The following UNC13D variants were observed in gnomAD, a reference collection of about 807,000 sequenced individuals.
UNC13D encodes the protein unc-13 homolog D.
UNC13D carries 115 observed loss-of-function variants against 151.7 expected under a neutral mutation model. That is an observed-to-expected ratio of 0.76 (90% CI 0.65 to 0.88). The LOEUF (loss-of-function observed/expected upper bound fraction) is 0.88, where lower values mean the gene tolerates loss of function less well. UNC13D is among the 40% of genes least tolerant of loss of function. UNC13D has a pLI of 0.00. For missense variants in UNC13D, 1,369 were observed against 1,438.7 expected (o/e 0.95, Z 0.78); for synonymous variants, 588 against 612.2 (o/e 0.96, Z 0.58).
intron 12 of UNC13D, 30 bp from the exon 13 acceptor site, chr17:75,836,948 C>T (rs372130757): frequency 6.8e-6 from 11 of 1,608,236 alleles, no homozygotes; most frequent in Admixed American, 1.7e-5. Context: ...CTCAGCTGGA[C>T]AGGGAGGAGG....
Position 75,830,154 on chromosome 17 carries a change from G to A in UNC13D, c.2831-3C>T. The stretch of plus-strand genomic sequence containing the variant: ...CTGGACAAAGGGGTCGCTGGAGCCT[G>A]GTAAGTGGCCGGGGAGTGTGCGTCA... On this transcript the variant is annotated splice_region_variant and splice_polypyrimidine_tract_variant and intron_variant, in intron 29 of 31. Transcript: ENST00000207549. The A allele has an allele frequency of 6.3e-7, 1 of 1,589,490 alleles. No homozygotes were observed. The highest frequency in any genetic ancestry group is 1.1e-5 in the South Asian group (1 of 87,002).
chr17:75,835,552 G>T, intron 19 of UNC13D, 23 bp from the exon 20 acceptor site: 1 of 1,600,770 alleles, frequency 6.2e-7, no homozygotes, highest in Admixed American at 1.7e-5. Context: ...GGGGCTCAGC[G>T]TCGGGAAGGC....
rs143264522 is a variant in UNC13D at position 75,834,345 on chromosome 17, C to G, written c.2278G>C (p.Val760Leu). Residue 760 changes from valine to leucine, a missense_variant, in exon 23 of 32, where the codon GTC becomes CTC. Val to Leu is a conservative substitution (Grantham distance 32, BLOSUM62 1). Transcript: ENST00000207549. ...AGLGHEIRTG[V>L]RTLAEQLEVG... Reference sequence around the variant, plus strand: ...GGTACCTGCTCGGCCAGGGTGCGGACGCCAGTGCGGATCTCATGGCCCAGC... The same window carrying G: ...GGTACCTGCTCGGCCAGGGTGCGGAGGCCAGTGCGGATCTCATGGCCCAGC... 1.3e-6 allele frequency: 2 copies of G among 1,594,822 alleles called. No individual in the cohort carries two copies. The highest frequency in any genetic ancestry group is 1.3e-5 in the African/African-American group (1 of 74,934).
At chr17:75,839,020 A>C (rs1034107490) in intron 12 of UNC13D, among the ~76,000 whole-genome samples, 1 of 152,134 alleles carries the variant, frequency 6.6e-6, no homozygotes, top group Admixed American at 6.5e-5. Flanking sequence ...GAATGGCGTG[A>C]ACCCAGGAGG....
At chr17:75,843,745 TCCGCAC>T (rs2064966245) in intron 1 of UNC13D, 2 of 1,423,650 alleles carry the variant, frequency 1.4e-6, no homozygotes, top group South Asian at 3.0e-5. Context: ...GCGCGAGCCC[TCCGCAC>T]CCGCACCCCA....
intron 12 of UNC13D, 141 bp from the exon 13 acceptor site, chr17:75,837,059 G>A: frequency 3.0e-6 from 2 of 663,114 alleles, no homozygotes; most frequent in Non-Finnish European, 5.1e-6. Context: ...ATGCAGGATT[G>A]TTTTTGTTTT....
intron 30 of UNC13D, 30 bp downstream of exon 30, chr17:75,829,992 AGGGGAG>A: frequency 1.3e-6 from 2 of 1,565,362 alleles, no homozygotes; most frequent in Non-Finnish European, 1.7e-6. Flanking sequence ...GGGAGAGATG[AGGGGAG>A]GGACTGGGAG....
Position 75,833,832 on chromosome 17 carries a change from C to T in UNC13D, c.2367+243G>A, listed in dbSNP as rs1369761162. Among the ~76,000 whole-genome samples, 3 of 152,194 alleles carry T rather than the reference C, an allele frequency of 2.0e-5. No homozygotes were observed. Among genetic ancestry groups the T allele is most frequent in the Non-Finnish European group, 4.4e-5 (3 of 68,034 alleles). On this transcript the variant is annotated intron_variant, in intron 24 of 31. Transcript: ENST00000207549. This position sits in a 1 kb window ranked among gnomAD's most constrained non-coding sequence, Gnocchi z 4.0. ...AGCTGAGAAGGATGTGCACCCTGGC[C>T]TGTTTGGCTGCAAAGTCTAAGCCGT... is the stretch of plus-strand genomic sequence containing the variant.
At chr17:75,839,746 C>T (rs2064933849) in intron 12 of UNC13D, 93 bp downstream of exon 12, 3 of 1,358,906 alleles carry the variant, frequency 2.2e-6, no homozygotes, top group Non-Finnish European at 2.1e-6. Context: ...GGGAACTCTG[C>T]TGAGAATTAC....
chr17:75,841,657 G>T (rs1275299351), intron 6 of UNC13D, among the ~76,000 whole-genome samples: 2 of 149,910 alleles, frequency 1.3e-5, no homozygotes, highest in Admixed American at 6.7e-5. Context: ...GGCCAGGCTG[G>T]TCTCAAACTC....
chr17:75,834,302 G>A (rs745878607), intron 23 of UNC13D, 23 bp downstream of exon 23: 74 of 1,591,698 alleles, frequency 4.6e-5, no homozygotes, highest in Non-Finnish European at 6.0e-5. Context: ...GGGATGGGGT[G>A]ACTGTGCGGT....
At position 75,840,840 on chromosome 17, in the gene UNC13D, CAG is replaced by C. The variant is rs2064943328; in HGVS notation, c.615-12_615-11del. Reference sequence around the variant, plus strand: ...CACAGTGTCCAGGTCCCTGGCAGGACAGAGGTTTGAGAAGGAAGCAGAGAGAG... The same window carrying C: ...CACAGTGTCCAGGTCCCTGGCAGGACAGGTTTGAGAAGGAAGCAGAGAGAG... On this transcript the variant is annotated splice_polypyrimidine_tract_variant and intron_variant, in intron 7 of 31. Coordinates refer to ENST00000207549, the MANE Select transcript of UNC13D (RefSeq NM_199242.3). This position sits in a 1 kb window ranked among gnomAD's most constrained non-coding sequence, Gnocchi z 4.6. The C allele has an allele frequency of 6.2e-7, 1 of 1,613,960 alleles. No homozygotes were observed. The highest frequency in any genetic ancestry group is 1.1e-5 in the South Asian group (1 of 91,088).
At chr17:75,828,162 G>A in intron 31 of UNC13D, 76 bp from the exon 32 acceptor site, 1 of 1,526,790 alleles carries the variant, frequency 6.5e-7, no homozygotes, top group African/African-American at 1.4e-5. Context: ...AGAGTGTGTG[G>A]GGGGGTACAC....
chr17:75,840,869 G>A lies in UNC13D; in HGVS notation c.615-39C>T, dbSNP rs777259684. Reference sequence around the variant, plus strand: ...GGTTTGAGAAGGAAGCAGAGAGAGTGCCTACGACCTCTTCCAGGAGGAGGT... The same window carrying A: ...GGTTTGAGAAGGAAGCAGAGAGAGTACCTACGACCTCTTCCAGGAGGAGGT... On this transcript the variant is annotated intron_variant, in intron 7 of 31. Coordinates refer to ENST00000207549, the MANE Select transcript of UNC13D (RefSeq NM_199242.3). The surrounding 1 kb of genome is among the most constrained non-coding windows in gnomAD (Gnocchi z 4.6). 38 of 1,613,710 alleles carry A rather than the reference G, an allele frequency of 2.4e-5. No homozygotes were observed. Among genetic ancestry groups the A allele is most frequent in the Non-Finnish European group, 3.2e-5 (38 of 1,179,710 alleles).
chr17:75,829,479 G>T (rs180906803), intron 30 of UNC13D, among the ~76,000 whole-genome samples: 33 of 152,096 alleles, frequency 2.2e-4, no homozygotes, highest in Admixed American at 4.6e-4. Context: ...GTTTTTAGTA[G>T]AGACGGGGTT....
At chr17:75,844,029 A>C in intron 1 of UNC13D, 192 bp downstream of exon 1, 1 of 1,429,092 alleles carries the variant, frequency 7.0e-7, no homozygotes, top group Non-Finnish European at 9.2e-7. Flanking sequence ...TGAGGCCCAC[A>C]GTGGCCCAGA....
At chr17:75,828,123 G>A (rs757534118) in intron 31 of UNC13D, 37 bp from the exon 32 acceptor site, 21 of 1,563,566 alleles carry the variant, frequency 1.3e-5, no homozygotes, top group South Asian at 2.3e-5. Context: ...GATGCCAGGG[G>A]AGAGGGCAGT....
At chr17:75,838,027 C>T (rs1802100958) in intron 12 of UNC13D, among the ~76,000 whole-genome samples, 1 of 152,114 alleles carries the variant, frequency 6.6e-6, no homozygotes, top group Admixed American at 6.5e-5. Flanking sequence ...TCTCCAGCCG[C>T]ACCACCATTC....
In UNC13D at chr17:75,842,569, C is replaced by T; in HGVS notation, c.433G>A (p.Gly145Ser). 6.2e-7 allele frequency: 1 copy of T among 1,611,538 alleles called. No homozygotes were observed. The highest frequency in any genetic ancestry group is 8.5e-7 in the Non-Finnish European group (1 of 1,179,094). Residue 145 changes from glycine (G) to serine (S), a missense_variant, in exon 6 of 32, where the codon GGT becomes AGT. Coordinates refer to ENST00000207549, the MANE Select transcript of UNC13D (RefSeq NM_199242.3). Reference protein sequence around the residue: ...YCLLGIEQGVGVPGGSPGSRH... With the variant: ...YCLLGIEQGVSVPGGSPGSRH... ...GACCCGGGGCTGCCCCCTGGCACAC[C>T]TACCCCCTGCTCAATGCCCAGCAGG...
Sources: allele counts gnomAD v4.1 joint callset (sites outside exome capture counted in the v4.1 genomes callset), GRCh38; gene constraint gnomAD v4.1.1; non-coding constraint Gnocchi (gnomAD v3.1); transcripts MANE v1.5; gene names NCBI Gene and HGNC (gene_info 2026-07-23, HGNC 2026-07-21).